Variants in DAB2IP observed in about 807,000 individuals in gnomAD.
DAB2IP encodes DAB2 interacting protein.
A neutral mutation model predicts 107.2 loss-of-function variants in DAB2IP; 28 were observed. The observed-to-expected ratio is 0.26, with a 90% CI of 0.19 to 0.36. The LOEUF is 0.36. Among genes scored for constraint, DAB2IP ranks in the 10% least tolerant of loss-of-function variants. DAB2IP has a pLI of 1.00. For synonymous variants in DAB2IP, 755 were observed against 706.4 expected (o/e 1.07, Z -1.09); for missense variants, 1,400 against 1,644.7 (o/e 0.85, Z 2.57).
chr9:121,676,632 G>GACACACACACACACACACACAC (rs1297632685), intron 1 of DAB2IP, among the ~76,000 whole-genome samples: 1 of 88,438 alleles, frequency 1.1e-5, no homozygotes, highest in Non-Finnish European at 2.4e-5. Context: ...GAGTTCTGCA[G>GACACACACACACACACACACAC]ACGCACACAC....
In DAB2IP at chr9:121,770,734, G is replaced by A. The variant is rs765286705; in HGVS notation, c.2078+10G>A. ...AGAACGATCTTTCCGGGTAAGAGCT[G>A]CCAGCCATGTTGGGTGTGGTGGGTG... On this transcript the variant is annotated intron_variant, in intron 11 of 15. Coordinates refer to ENST00000408936, the Ensembl canonical transcript of DAB2IP. 6.2e-7 allele frequency: 1 copy of A among 1,613,046 alleles called. No homozygotes were observed. Among genetic ancestry groups the A allele is most frequent in the African/African-American group, 1.3e-5 (1 of 74,928 alleles).
chr9:121,774,129 A>C (rs767230026), intron 12 of DAB2IP, 131 bp from the exon 13 acceptor site: 81 of 1,045,734 alleles, frequency 7.7e-5, no homozygotes, highest in Non-Finnish European at 1.0e-4. Flanking sequence ...GTAGGCGCTC[A>C]GTCAGCTGGA....
At chr9:121,630,781 T>C (rs912330819) in intron 1 of DAB2IP, among the ~76,000 whole-genome samples, 3 of 151,864 alleles carry the variant, frequency 2.0e-5, no homozygotes, top group African/African-American at 7.2e-5. Context: ...CTAATTTTGG[T>C]ATTTTTAGTA....
At chr9:121,597,547 A>G (rs938537192) in intron 1 of DAB2IP, among the ~76,000 whole-genome samples, 1 of 152,164 alleles carries the variant, frequency 6.6e-6, no homozygotes, top group Non-Finnish European at 1.5e-5. Context: ...CTCGAATTAG[A>G]GGAGTGCTAG....
intron 1 of DAB2IP, among the ~76,000 whole-genome samples, chr9:121,657,347 C>A (rs1348170041): frequency 6.6e-6 from 1 of 152,206 alleles, no homozygotes; most frequent in Non-Finnish European, 1.5e-5. Context: ...GGAATGTCAG[C>A]CTCTTGCCCT....
intron 1 of DAB2IP, among the ~76,000 whole-genome samples, chr9:121,646,029 C>A (rs1402195257): frequency 6.6e-6 from 1 of 152,064 alleles, no homozygotes; most frequent in African/African-American, 2.4e-5. Context: ...GCTCTGCCCT[C>A]GGCCCAGCCC....
In DAB2IP at chr9:121,776,052, A is replaced by G; in HGVS notation, c.3121-146A>G. ...CCCCCACCAGCTGGGCTCCTTGGGC[A>G]TCTCCTTGCTATGTGAAGTGGGCGG... On this transcript the variant is annotated intron_variant, in intron 13 of 15. Coordinates refer to ENST00000408936, the Ensembl canonical transcript of DAB2IP. This position sits in a 1 kb window ranked among gnomAD's most constrained non-coding sequence, Gnocchi z 5.4. The G allele has an allele frequency of 1.1e-6, 1 of 940,794 alleles. No individual in the cohort carries two copies. The highest frequency in any genetic ancestry group is 2.7e-5 in the East Asian group (1 of 36,792). 58.3% of individuals were successfully genotyped at this position (940,794 alleles called of 1,614,324 possible).
At chr9:121,643,844 C>T (rs1029603310) in intron 1 of DAB2IP, among the ~76,000 whole-genome samples, 9 of 152,214 alleles carry the variant, frequency 5.9e-5, no homozygotes, top group African/African-American at 2.2e-4. Context: ...CTGGACTGTC[C>T]TCTCAACCAA....
intron 1 of DAB2IP, among the ~76,000 whole-genome samples, chr9:121,657,070 C>T (rs527381427): frequency 2.0e-5 from 3 of 152,368 alleles, no homozygotes; most frequent in Non-Finnish European, 4.4e-5. Flanking sequence ...TTGCCTCCTC[C>T]ACCTGCCTGG....
Position 121,605,982 on chromosome 9 carries a change from T to C in DAB2IP, c.40+38754T>C, listed in dbSNP as rs913596448. ...GCCAGAAAGTCCACAGAAACATCTG[T>C]CCCTGAGTTCAGAGAGGGCTGTTGA... On this transcript the variant is annotated intron_variant, in intron 1 of 16. Transcript: ENST00000259371. 3.9e-5 allele frequency among the ~76,000 whole-genome samples: 6 copies of C among 152,078 alleles called. No homozygotes were observed. The East Asian group carries it at 9.6e-4, about 24-fold the overall frequency.
upstream of DAB2IP, among the ~76,000 whole-genome samples, chr9:121,648,323 A>G (rs1832611568): frequency 6.6e-6 from 1 of 152,200 alleles, no homozygotes; most frequent in South Asian, 2.1e-4. Flanking sequence ...GGTAAGCAGG[A>G]ATGCACCAGG....
Position 121,633,476 on chromosome 9 carries a change from G to A in DAB2IP, c.41-45202G>A, listed in dbSNP as rs562330810. Among the ~76,000 whole-genome samples the A allele has an allele frequency of 1.3e-4, 20 of 152,330 alleles. No individual in the cohort carries two copies. Among genetic ancestry groups the A allele is most frequent in the African/African-American group, 3.8e-4 (16 of 41,572 alleles). The stretch of plus-strand genomic sequence containing the variant: ...GTTATTCCTGTGTCTCCAAAGCAAG[G>A]TGGGTGTACGTTTCAGCAAGAGAGA... On this transcript the variant is annotated intron_variant, in intron 1 of 16. Transcript: ENST00000259371. The surrounding 1 kb of genome is among the most constrained non-coding windows in gnomAD (Gnocchi z 5.1).
chr9:121,769,205 G>A (rs34415799), intron 10 of DAB2IP, among the ~76,000 whole-genome samples: 1 of 152,160 alleles, frequency 6.6e-6, no homozygotes, highest in African/African-American at 2.4e-5. Flanking sequence ...CCGAATATCT[G>A]TTGCTTTCTA....
At chr9:121,582,222 G>T (rs112571286) in intron 1 of DAB2IP, among the ~76,000 whole-genome samples, 2 of 152,174 alleles carry the variant, frequency 1.3e-5, no homozygotes, top group African/African-American at 2.4e-5. Flanking sequence ...AAAACATCCC[G>T]GCTGGGGGAG....
At chr9:121,729,182 A>AGAG (rs1157759130) in intron 3 of DAB2IP, among the ~76,000 whole-genome samples, 3 of 152,200 alleles carry the variant, frequency 2.0e-5, no homozygotes, top group Non-Finnish European at 2.9e-5. Flanking sequence ...TGAAGTGCAG[A>AGAG]GAGGTTAGGT....
rs1829512887 is a variant in DAB2IP at position 121,698,003 on chromosome 9, G to A, written c.229-1322G>A. Among the ~76,000 whole-genome samples the A allele has an allele frequency of 2.0e-5, 3 of 152,158 alleles. No homozygotes were observed. The South Asian group carries it at 6.2e-4, about 32-fold the overall frequency. ...CTGTGCGGGTGACATGAGATGACTT[G>A]TACAGCCCATGTTTGACCTTGTCAT... On this transcript the variant is annotated intron_variant, in intron 2 of 15. Transcript: ENST00000408936. This position sits in a 1 kb window ranked among gnomAD's most constrained non-coding sequence, Gnocchi z 4.1.
chr9:121,607,788 A>G (rs1272446414), intron 1 of DAB2IP, among the ~76,000 whole-genome samples: 3 of 152,230 alleles, frequency 2.0e-5, no homozygotes, highest in Non-Finnish European at 2.9e-5. Flanking sequence ...GAATGTGAAT[A>G]AGTAAATAAA....
chr9:121,688,263 ATTG>A (rs1210425940), intron 2 of DAB2IP, among the ~76,000 whole-genome samples: 7 of 152,248 alleles, frequency 4.6e-5, no homozygotes, highest in Admixed American at 3.3e-4. Flanking sequence ...TCAAGCGGCA[ATTG>A]TTGTTTCCAA....
intron 14 of DAB2IP, among the ~76,000 whole-genome samples, chr9:121,780,278 G>A (rs1276148346): frequency 3.3e-5 from 5 of 152,138 alleles, no homozygotes; most frequent in Non-Finnish European, 7.4e-5. Context: ...CCCACCCCCA[G>A]CACAAGCTTT....
Sources: allele counts gnomAD v4.1 joint callset (sites outside exome capture counted in the v4.1 genomes callset), GRCh38; gene constraint gnomAD v4.1.1; non-coding constraint Gnocchi (gnomAD v3.1); transcripts MANE v1.5; gene names NCBI Gene and HGNC (gene_info 2026-07-23, HGNC 2026-07-21).